The following AOAH variants were observed in gnomAD, a reference collection of about 807,000 sequenced individuals.
AOAH encodes acyloxyacyl hydrolase (neutrophil).
AOAH carries 64 observed loss-of-function variants against 92.2 expected under a neutral mutation model. The observed-to-expected ratio is 0.69, with a 90% CI of 0.57 to 0.86. The LOEUF is 0.86. Among genes scored for constraint, AOAH ranks in the 40% least tolerant of loss-of-function variants. The probability of loss-of-function intolerance (pLI) is 0.00; values close to 1 mark genes in which losing one functional copy is unlikely to be tolerated. For synonymous variants in AOAH, 263 were observed against 254.5 expected (o/e 1.03, Z -0.32); for missense variants, 656 against 694.6 (o/e 0.94, Z 0.62).
chr7:36,687,332 T>A (rs1443613306), intron 1 of AOAH, among the ~76,000 whole-genome samples: 2 of 152,070 alleles, frequency 1.3e-5, no homozygotes, highest in East Asian at 3.8e-4. Context: ...AAAATATTAT[T>A]TTGCCTCACA....
chr7:36,613,101 G>A (rs1791587669), intron 11 of AOAH, among the ~76,000 whole-genome samples: 1 of 151,718 alleles, frequency 6.6e-6, no homozygotes, highest in Non-Finnish European at 1.5e-5. Context: ...TTTTTTTTCT[G>A]GGAAGGCATA....
At chr7:36,520,653 G>A (rs924013334) in intron 20 of AOAH, among the ~76,000 whole-genome samples, 9 of 151,014 alleles carry the variant, frequency 6.0e-5, no homozygotes, top group East Asian at 1.9e-4. Flanking sequence ...TGCGGTGAGC[G>A]GAGATCACAC....
intron 1 of AOAH, among the ~76,000 whole-genome samples, chr7:36,714,900 C>A (rs1378854737): frequency 3.3e-5 from 5 of 152,172 alleles, no homozygotes; most frequent in Non-Finnish European, 7.3e-5. Context: ...TGGAAGCATT[C>A]CCTTTGAAAA....
intron 15 of AOAH, among the ~76,000 whole-genome samples, chr7:36,544,215 G>T (rs550697614): frequency 6.6e-6 from 1 of 152,132 alleles, no homozygotes; most frequent in South Asian, 2.1e-4. Context: ...AAAATGCTGG[G>T]ATTACAGGCA....
intron 13 of AOAH, among the ~76,000 whole-genome samples, chr7:36,563,743 A>T (rs374915100): frequency 6.6e-6 from 1 of 152,182 alleles, no homozygotes; most frequent in Non-Finnish European, 1.5e-5. Flanking sequence ...TTTTATTTTT[A>T]TGATTTAGAG....
At chr7:36,702,519 A>C (rs1442709698) in intron 1 of AOAH, among the ~76,000 whole-genome samples, 1 of 152,226 alleles carries the variant, frequency 6.6e-6, no homozygotes, top group Non-Finnish European at 1.5e-5. Flanking sequence ...AGACCACCAC[A>C]ATAAAGCAAA....
In AOAH at chr7:36,658,863, G is replaced by A. The variant is rs1343894839; in HGVS notation, c.390+303C>T. ...CTCACTCTGTGAGAGTGACTTGCTT[G>A]ATTTTTAAGTGATAGGGATTTAAAC... On this transcript the variant is annotated intron_variant, in intron 4 of 20. Coordinates refer to ENST00000617537, the MANE Select transcript of AOAH (RefSeq NM_001637.4). Among the ~76,000 whole-genome samples the A allele has an allele frequency of 2.0e-5, 3 of 152,176 alleles. No homozygotes were observed. The East Asian group carries it at 5.8e-4, about 29-fold the overall frequency.
At chr7:36,538,487 C>T (rs577243242) in intron 16 of AOAH, among the ~76,000 whole-genome samples, 1 of 152,140 alleles carries the variant, frequency 6.6e-6, no homozygotes, top group South Asian at 2.1e-4. Flanking sequence ...GTGGCGTAAC[C>T]AGAGTTCATG....
intron 4 of AOAH, among the ~76,000 whole-genome samples, chr7:36,640,189 T>C (rs1793808793): frequency 6.6e-6 from 1 of 151,592 alleles, no homozygotes; most frequent in Admixed American, 6.6e-5. Flanking sequence ...AGTCGAAGCG[T>C]CCAAGAGTGG....
chr7:36,558,960 C>T (rs931534325), intron 13 of AOAH, among the ~76,000 whole-genome samples: 3 of 152,254 alleles, frequency 2.0e-5, no homozygotes, highest in Non-Finnish European at 4.4e-5. Flanking sequence ...TGTTTTGGCT[C>T]GCACATGGTG....
chr7:36,713,334 C>T (rs1434584797), intron 1 of AOAH, among the ~76,000 whole-genome samples: 1 of 152,006 alleles, frequency 6.6e-6, no homozygotes, highest in Non-Finnish European at 1.5e-5. Context: ...AAAGCAAGTC[C>T]TTAGAGACCT....
Position 36,535,046 on chromosome 7 carries a change from GTA to G in AOAH, c.1307-2704_1307-2703del, listed in dbSNP as rs1361800265. Among the ~76,000 whole-genome samples, 11 of 86,624 alleles carry G rather than the reference GTA, an allele frequency of 1.3e-4. 1 individual carries two copies. In the South Asian group the frequency reaches 3.7e-3, roughly 29 times the overall value. The allele number at this position is 86,624 out of a possible 152,430, so 56.8% of individuals were successfully genotyped here. A position where few individuals can be genotyped will look rare whatever the true frequency, so the allele number is the denominator to read the frequency against. ...TGTCTGTGTGTGTGTCTGTGTGTGT[GTA>G]TGTGTCTGTGTGTGTGTATCCGTGT... On this transcript the variant is annotated intron_variant, in intron 16 of 20. Coordinates refer to ENST00000617537, the MANE Select transcript of AOAH (RefSeq NM_001637.4).
chr7:36,633,326 G>T (rs1793272621), intron 5 of AOAH, among the ~76,000 whole-genome samples: 1 of 152,218 alleles, frequency 6.6e-6, no homozygotes, highest in Admixed American at 6.5e-5. Context: ...ACTAAGGCTT[G>T]ACAACCACTG....
intron 20 of AOAH, among the ~76,000 whole-genome samples, chr7:36,518,875 G>A (rs894493315): frequency 1.3e-5 from 2 of 152,288 alleles, no homozygotes; most frequent in African/African-American, 2.4e-5. Flanking sequence ...GCCTGGGACC[G>A]CTGTGGAGAA....
Position 36,513,074 on chromosome 7 carries a change from A to G in AOAH, c.*178T>C. 1 of 1,560,702 alleles carries G rather than the reference A, an allele frequency of 6.4e-7. No individual in the cohort carries two copies. ...GAAGGGTTACTGATCCCGGGAGCAC[A>G]CAGCATTGCACAGTCGTCCAGATAT... On this transcript the variant is annotated 3_prime_UTR_variant, in exon 21 of 21. Transcript: ENST00000617537.
chr7:36,678,080 A>G (rs1796369033), intron 2 of AOAH, among the ~76,000 whole-genome samples: 2 of 152,224 alleles, frequency 1.3e-5, no homozygotes, highest in Non-Finnish European at 2.9e-5. Flanking sequence ...TAAATTGTAC[A>G]CTTTAAATGA....
chr7:36,542,654 T>C (rs911552152), intron 15 of AOAH, among the ~76,000 whole-genome samples: 4 of 152,252 alleles, frequency 2.6e-5, no homozygotes, highest in Non-Finnish European at 5.9e-5. Context: ...AGTTATCCTA[T>C]AGTAACATTT....
intron 13 of AOAH, among the ~76,000 whole-genome samples, chr7:36,565,282 AT>A (rs1351651285): frequency 1.2e-4 from 15 of 122,962 alleles, no homozygotes; most frequent in Admixed American, 1.8e-4. Flanking sequence ...GTTATACATA[AT>A]TTTTGTCATT....
chr7:36,621,763 G>A lies in AOAH; in HGVS notation c.600C>T (p.His200=), dbSNP rs750426267. ...TGTCATTACAGTCTCTCCCCCGCCA[G>A]TGATAGCCCCGCAGTGTCTGAAATT... ...YSVFPTLRGY[H]WRGRDCNDSD... The change falls in exon 8 of 21, where the codon CAC becomes CAT. Residue 200 remains histidine (H), a synonymous_variant. Transcript: ENST00000617537. 2.4e-5 allele frequency: 39 copies of A among 1,614,064 alleles called. No homozygotes were observed. In the South Asian group the frequency reaches 4.3e-4, roughly 18 times the overall value.
Sources: gnomAD v4.1 joint callset for allele counts (sites outside exome capture counted in the v4.1 genomes callset) on GRCh38, gnomAD v4.1.1 for gene constraint, MANE v1.5 for transcripts, NCBI Gene and HGNC (gene_info 2026-07-23, HGNC 2026-07-21) for gene names.